Variants in GALNS observed in about 807,000 individuals in gnomAD.
The protein encoded by GALNS is galactosamine (N-acetyl)-6-sulfatase.
Under a neutral mutation model 65.9 loss-of-function variants are expected in GALNS, and 65 were observed. The ratio of observed to expected loss-of-function variants is 0.99; its 90% confidence interval spans 0.81 to 1.21. The LOEUF is 1.21. GALNS is among the 50% of genes most tolerant of loss of function. The probability of loss-of-function intolerance (pLI) is 0.00; values close to 1 mark genes in which losing one functional copy is unlikely to be tolerated. For synonymous variants in GALNS, 346 were observed against 288.9 expected, an observed-to-expected ratio of 1.20 and a Z score of -2.00; for missense variants, 776 against 700.7, an observed-to-expected ratio of 1.11 and a Z score of -1.21.
intron 1 of GALNS, among the ~76,000 whole-genome samples, chr16:88,852,246 T>C (rs1967539295): frequency 6.6e-6 from 1 of 152,232 alleles, no homozygotes. Flanking sequence ...AAACAGGGTC[T>C]GGAGTGGACC....
intron 12 of GALNS, among the ~76,000 whole-genome samples, chr16:88,820,858 G>C (rs1910136827): frequency 6.6e-6 from 1 of 152,192 alleles, no homozygotes; most frequent in Non-Finnish European, 1.5e-5. Flanking sequence ...GGTGTGGCGG[G>C]CACCGGTGTG....
chr16:88,821,611 C>A (rs1947478100), intron 12 of GALNS, among the ~76,000 whole-genome samples: 1 of 152,180 alleles, frequency 6.6e-6, no homozygotes, highest in Non-Finnish European at 1.5e-5. Flanking sequence ...GCAGGCTCAG[C>A]CCCGTGGGAA....
chr16:88,841,878 G>T lies in GALNS; in HGVS notation c.319+19C>A. 1 of 1,608,784 alleles carries T rather than the reference G, an allele frequency of 6.2e-7. No homozygotes were observed. Among genetic ancestry groups the T allele is most frequent in the Non-Finnish European group, 8.5e-7 (1 of 1,177,490 alleles). Reference sequence around the variant, plus strand: ...ACCCTGCACCCCAAGGGTGTCCCTGGAGGCGGTGGGCAGCCTACCGTTTCT... The same window carrying T: ...ACCCTGCACCCCAAGGGTGTCCCTGTAGGCGGTGGGCAGCCTACCGTTTCT... On this transcript the variant is annotated intron_variant, in intron 3 of 13. Transcript: ENST00000268695.
intron 1 of GALNS, among the ~76,000 whole-genome samples, chr16:88,851,881 G>A (rs915071774): frequency 9.9e-5 from 15 of 152,212 alleles, no homozygotes; most frequent in Admixed American, 2.6e-4. Context: ...AGAGCCCACC[G>A]CAGCTCTGCA....
intron 1 of GALNS, among the ~76,000 whole-genome samples, chr16:88,849,771 A>G (rs976907342): frequency 1.3e-5 from 2 of 152,188 alleles, no homozygotes; most frequent in Non-Finnish European, 2.9e-5. Context: ...TCTGAGGACA[A>G]TGGAGGCTGG....
intron 1 of GALNS, among the ~76,000 whole-genome samples, chr16:88,849,229 C>T (rs1165911257): frequency 6.6e-6 from 1 of 152,228 alleles, no homozygotes; most frequent in Non-Finnish European, 1.5e-5. Flanking sequence ...ATCCTCCCAC[C>T]TCAGCCTCCT....
chr16:88,838,106 C>T (rs1362371335), intron 4 of GALNS, among the ~76,000 whole-genome samples: 1 of 152,222 alleles, frequency 6.6e-6, no homozygotes, highest in Non-Finnish European at 1.5e-5. Flanking sequence ...CGGCTCCTTC[C>T]TTCCACGTTT....
At chr16:88,828,415 C>T (rs540037641) in intron 9 of GALNS, among the ~76,000 whole-genome samples, 1 of 152,320 alleles carries the variant, frequency 6.6e-6, no homozygotes, top group South Asian at 2.1e-4. Flanking sequence ...TCACTGAAAC[C>T]GTTATCAGCG....
chr16:88,817,232 C>T (rs2142979244), intron 13 of GALNS: 1 of 972,786 alleles, frequency 1.0e-6, no homozygotes, highest in South Asian at 4.8e-5. Context: ...ACTGCTGCGG[C>T]CCCCAGGGCT....
chr16:88,826,773 C>T lies in GALNS; in HGVS notation c.1068G>A (p.Thr356=), dbSNP rs775387788. 1.7e-5 allele frequency: 27 copies of T among 1,607,320 alleles called. No homozygotes were observed. Among genetic ancestry groups the T allele is most frequent in the Non-Finnish European group, 2.1e-5 (25 of 1,177,528 alleles). ...CATCAATGGCCCTGTCGCTGGGCGGCGTCAGGCCCGCAAGGGCCAGGCTGG... is the reference window on the plus strand; with the variant it reads ...CATCAATGGCCCTGTCGCTGGGCGGTGTCAGGCCCGCAAGGGCCAGGCTGG... The part of the protein sequence containing the change: ...FTTSLALAGL[T]PPSDRAIDGL... The change falls in exon 10 of 14, where the codon ACG becomes ACA. Residue 356 remains threonine, a synonymous_variant. Transcript: ENST00000268695.
At chr16:88,825,837 T>C (rs1405803459) in intron 10 of GALNS, among the ~76,000 whole-genome samples, 1 of 152,194 alleles carries the variant, frequency 6.6e-6, no homozygotes, top group Non-Finnish European at 1.5e-5. Context: ...AGGGGACAAG[T>C]GAGCAAAACT....
At chr16:88,815,431 T>G in intron 13 of GALNS, 1 of 985,468 alleles carries the variant, frequency 1.0e-6, no homozygotes, top group Non-Finnish European at 1.2e-6. Context: ...CTCAGTTCAG[T>G]GCGGTGCTGA....
chr16:88,850,793 T>C (rs1487217796), intron 1 of GALNS, among the ~76,000 whole-genome samples: 2 of 152,218 alleles, frequency 1.3e-5, no homozygotes, highest in African/African-American at 4.8e-5. Context: ...CCAGGGCTTT[T>C]GCCTAGGCTG....
intron 10 of GALNS, among the ~76,000 whole-genome samples, 195 bp from the exon 11 acceptor site, chr16:88,825,064 A>G (rs986624175): frequency 0.015 from 1,253 of 81,982 alleles, 34 homozygotes; most frequent in African/African-American, 0.054. Flanking sequence ...CCGGGGCTGG[A>G]GCTCCTGGGT....
At chr16:88,845,874 A>T (rs1967221860) in intron 1 of GALNS, among the ~76,000 whole-genome samples, 1 of 151,058 alleles carries the variant, frequency 6.6e-6, no homozygotes, top group Admixed American at 6.6e-5. Context: ...TGTGGTCCCA[A>T]CTACTCAGGA....
At chr16:88,852,394 G>C (rs1163081879) in intron 1 of GALNS, among the ~76,000 whole-genome samples, 1 of 152,204 alleles carries the variant, frequency 6.6e-6, no homozygotes. Context: ...CAGCATCAAA[G>C]ACCAAAGGCA....
intron 13 of GALNS, chr16:88,815,635 A>C: frequency 1.0e-6 from 1 of 985,476 alleles, no homozygotes. Flanking sequence ...CTTCTGTGCC[A>C]CGTCAGACGC....
chr16:88,843,158 G>C lies in GALNS; in HGVS notation c.121-329C>G, dbSNP rs1445214450. The C allele has an allele frequency of 5.0e-6, 7 of 1,405,560 alleles. No homozygotes were observed. The South Asian group carries it at 8.5e-5, about 17-fold the overall frequency. 87.1% of individuals were successfully genotyped at this position (1,405,560 alleles called of 1,614,324 possible). Reference sequence around the variant, plus strand: ...TCTGCCTCCTCCCAGCCTGACACCAGCATCTGCATGCTCGCAGGAGCTGGC... The same window carrying C: ...TCTGCCTCCTCCCAGCCTGACACCACCATCTGCATGCTCGCAGGAGCTGGC... On this transcript the variant is annotated intron_variant, in intron 1 of 13. Coordinates refer to ENST00000268695, the MANE Select transcript of GALNS (RefSeq NM_000512.5).
At chr16:88,850,652 G>A (rs1218015447) in intron 1 of GALNS, among the ~76,000 whole-genome samples, 1 of 152,220 alleles carries the variant, frequency 6.6e-6, no homozygotes, top group Non-Finnish European at 1.5e-5. Flanking sequence ...ATCAGCCAGG[G>A]GAGAAGGTGC....
Sources: gnomAD v4.1 joint callset for allele counts (sites outside exome capture counted in the v4.1 genomes callset) on GRCh38, gnomAD v4.1.1 for gene constraint, MANE v1.5 for transcripts, NCBI Gene and HGNC (gene_info 2026-07-23, HGNC 2026-07-21) for gene names.